Variants in HYAL4 observed in about 807,000 individuals in gnomAD.
The protein encoded by HYAL4 is hyaluronidase-4.
HYAL4 carries 37 observed loss-of-function variants against 35.2 expected under a neutral mutation model. The observed-to-expected ratio is 1.05, with a 90% CI of 0.81 to 1.38. The LOEUF (loss-of-function observed/expected upper bound fraction) is 1.38, where lower values mean the gene tolerates loss of function less well. Among genes scored for constraint, HYAL4 ranks in the 40% most tolerant of loss-of-function variants. HYAL4 has a pLI of 0.00. For synonymous variants in HYAL4, 198 were observed against 203.2 expected (o/e 0.97, Z 0.22); for missense variants, 572 against 572.4 (o/e 1.00, Z 0.01).
chr7:123,802,299 C>T, the HYAL4 span, among the ~76,000 whole-genome samples: 15 of 152,178 alleles, frequency 9.9e-5, no homozygotes, highest in Admixed American at 9.8e-4. Context: ...CCATAGTCCC[C>T]TCTACTGTAA....
chr7:123,860,005 G>A (rs950805555), intron 2 of HYAL4, among the ~76,000 whole-genome samples: 1 of 152,096 alleles, frequency 6.6e-6, no homozygotes, highest in Non-Finnish European at 1.5e-5. Context: ...TTGTGGGAGG[G>A]ACCTGTAATC....
chr7:123,768,911 TTAA>T, the HYAL4 span, among the ~76,000 whole-genome samples: 4 of 152,256 alleles, frequency 2.6e-5, no homozygotes, highest in South Asian at 6.2e-4. Context: ...TATGAGCCTT[TTAA>T]TAATTTCCTT....
At chr7:123,789,754 A>G in the HYAL4 span, among the ~76,000 whole-genome samples, 1 of 152,182 alleles carries the variant, frequency 6.6e-6, no homozygotes, top group African/African-American at 2.4e-5. Flanking sequence ...AATAGGACGT[A>G]TACATGAATA....
chr7:123,792,212 A>G, the HYAL4 span, among the ~76,000 whole-genome samples: 1 of 152,240 alleles, frequency 6.6e-6, no homozygotes, highest in African/African-American at 2.4e-5. Flanking sequence ...CAGGCAGATC[A>G]CATAGCACAT....
At chr7:123,786,080 A>G in the HYAL4 span, among the ~76,000 whole-genome samples, 2 of 152,244 alleles carry the variant, frequency 1.3e-5, no homozygotes, top group Non-Finnish European at 2.9e-5. Flanking sequence ...AATGCAGGCC[A>G]TAATACTGCT....
intron 4 of HYAL4, among the ~76,000 whole-genome samples, chr7:123,875,318 A>G (rs978190852): frequency 3.3e-5 from 5 of 152,158 alleles, no homozygotes; most frequent in Admixed American, 6.5e-5. Context: ...ATTCTCCACA[A>G]TGAAGTTACT....
intron 1 of HYAL4, among the ~76,000 whole-genome samples, chr7:123,847,589 A>G (rs1584914472): frequency 6.6e-6 from 1 of 152,156 alleles, no homozygotes; most frequent in Non-Finnish European, 1.5e-5. Context: ...CATCCTGGCT[A>G]ACACGGTGAA....
the HYAL4 span, among the ~76,000 whole-genome samples, chr7:123,770,062 A>T: frequency 6.6e-6 from 1 of 152,126 alleles, no homozygotes; most frequent in Admixed American, 6.5e-5. Flanking sequence ...TAAAGTTTAA[A>T]CTAAATAAAT....
chr7:123,809,393 CTTT>C, the HYAL4 span, among the ~76,000 whole-genome samples: 5 of 129,556 alleles, frequency 3.9e-5, no homozygotes, highest in African/African-American at 5.6e-5. Flanking sequence ...TTTTCTTCTT[CTTT>C]TTTTTTTTTT....
At chr7:123,804,249 A>C in the HYAL4 span, among the ~76,000 whole-genome samples, 1 of 152,114 alleles carries the variant, frequency 6.6e-6, no homozygotes, top group African/African-American at 2.4e-5. Context: ...ATGTTTCTTG[A>C]CTTTACCCAC....
the HYAL4 span, among the ~76,000 whole-genome samples, chr7:123,817,160 G>C: frequency 1.3e-5 from 2 of 152,038 alleles, no homozygotes; most frequent in Non-Finnish European, 2.9e-5. Context: ...TGCACCATTG[G>C]TCATCCCCTT....
chr7:123,843,633 C>G (rs1026488875), upstream of HYAL4, among the ~76,000 whole-genome samples: 5 of 152,134 alleles, frequency 3.3e-5, no homozygotes, highest in African/African-American at 7.2e-5. Flanking sequence ...TTCAGGTATA[C>G]CAATCAAACA....
At chr7:123,842,985 T>G (rs1400159055), upstream of HYAL4, among the ~76,000 whole-genome samples, 1 of 152,032 alleles carries the variant, frequency 6.6e-6, no homozygotes, top group African/African-American at 2.4e-5. Flanking sequence ...ATTGGGGCAT[T>G]TAGTCTATTT....
At chr7:123,766,442 C>T in the HYAL4 span, among the ~76,000 whole-genome samples, 3 of 152,022 alleles carry the variant, frequency 2.0e-5, no homozygotes, top group Admixed American at 6.6e-5. Flanking sequence ...CTCATTGAAA[C>T]CCCCGGGTAA....
the HYAL4 span, among the ~76,000 whole-genome samples, chr7:123,779,702 A>T: frequency 1.3e-5 from 2 of 152,162 alleles, no homozygotes; most frequent in Non-Finnish European, 2.9e-5. Context: ...ACTTTTTAAT[A>T]GTATAAATTT....
At chr7:123,813,381 AG>A in the HYAL4 span, among the ~76,000 whole-genome samples, 2 of 152,262 alleles carry the variant, frequency 1.3e-5, no homozygotes, top group South Asian at 4.1e-4. Context: ...GACTAGTTAA[AG>A]GGGCCTAAAG....
the HYAL4 span, among the ~76,000 whole-genome samples, chr7:123,807,435 T>TG: frequency 3.5e-5 from 5 of 142,726 alleles, no homozygotes; most frequent in East Asian, 2.0e-4. Flanking sequence ...TTTTATGGTT[T>TG]TTTTTTTTTT....
At chr7:123,766,502 A>G in the HYAL4 span, among the ~76,000 whole-genome samples, 11 of 152,132 alleles carry the variant, frequency 7.2e-5, no homozygotes, top group Admixed American at 1.3e-4. Context: ...GAAAGGCTGC[A>G]TGGTTGTGCC....
the HYAL4 span, among the ~76,000 whole-genome samples, chr7:123,777,046 C>A: frequency 0.21 from 31,885 of 152,042 alleles, 4,179 homozygotes; most frequent in Middle Eastern, 0.31. Flanking sequence ...ATAAGAAGCT[C>A]ACCAAATTCA....
Sources: gnomAD v4.1 joint callset for allele counts (sites outside exome capture counted in the v4.1 genomes callset) on GRCh38, gnomAD v4.1.1 for gene constraint, MANE v1.5 for transcripts, NCBI Gene and HGNC (gene_info 2026-07-23, HGNC 2026-07-21) for gene names.